TDP1: variants seen among roughly 807,000 people sequenced by gnomAD.
The protein encoded by TDP1 is tyrosyl-DNA phosphodiesterase 1.
TDP1 carries 64 observed loss-of-function variants against 81.5 expected under a neutral mutation model. The ratio of observed to expected loss-of-function variants is 0.79; its 90% CI spans 0.64 to 0.97. The LOEUF (loss-of-function observed/expected upper bound fraction) is 0.97. Among genes scored for constraint, TDP1 ranks in the 50% least tolerant of loss-of-function variants. The pLI is 0.00. For missense variants in TDP1, 723 were observed against 743.8 expected, an observed-to-expected ratio of 0.97 and a Z score of 0.33; for synonymous variants, 256 against 264.3, an observed-to-expected ratio of 0.97 and a Z score of 0.30.
intron 14 of TDP1, among the ~76,000 whole-genome samples, chr14:90,013,542 A>G (rs1884969019): frequency 6.6e-6 from 1 of 152,202 alleles, no homozygotes; most frequent in Non-Finnish European, 1.5e-5. Context: ...CTCCCCCGCC[A>G]TGTGCAACTG....
At chr14:90,026,926 G>A (rs1886730152) in intron 15 of TDP1, among the ~76,000 whole-genome samples, 1 of 152,174 alleles carries the variant, frequency 6.6e-6, no homozygotes, top group Admixed American at 6.5e-5. Context: ...ACATACGTGT[G>A]CATGTGTCTT....
At chr14:90,026,909 G>T (rs1362966098) in intron 15 of TDP1, among the ~76,000 whole-genome samples, 1 of 149,262 alleles carries the variant, frequency 6.7e-6, no homozygotes, top group Non-Finnish European at 1.5e-5. Flanking sequence ...GAATAGTGCT[G>T]CAATAAACAT....
At chr14:89,995,494 A>C (rs35970321) in intron 14 of TDP1, among the ~76,000 whole-genome samples, 13,912 of 151,784 alleles carry the variant, frequency 0.092, 1,381 homozygotes, top group African/African-American at 0.25. Flanking sequence ...GCTGTATAAA[A>C]GAGGAAAAGG....
At chr14:90,040,401 G>A (rs978557576) in intron 16 of TDP1, among the ~76,000 whole-genome samples, 1 of 152,182 alleles carries the variant, frequency 6.6e-6, no homozygotes, top group South Asian at 2.1e-4. Context: ...CTGAAACAAG[G>A]TCTCTGTGCA....
intron 4 of TDP1, chr14:89,967,071 G>A: frequency 1.0e-6 from 1 of 985,262 alleles, no homozygotes; most frequent in Non-Finnish European, 1.2e-6. Context: ...AGGGCCATTA[G>A]ACATAATGTA....
Position 89,993,447 on chromosome 14 carries a change from C to T in TDP1, c.1505C>T (p.Pro502Leu). 6.2e-7 allele frequency: 1 copy of T among 1,613,864 alleles called. No homozygotes were observed. The highest frequency in any genetic ancestry group is 8.5e-7 in the Non-Finnish European group (1 of 1,179,850). ...PHIKTYMRPSPDFSKIAWFLV... is the reference protein window; with the variant it reads ...PHIKTYMRPSLDFSKIAWFLV... ...ATTAAGACATATATGAGGCCTTCTCCAGACTTCAGTAAAATTGCTTGGTTC... is the reference window on the plus strand; with the variant it reads ...ATTAAGACATATATGAGGCCTTCTCTAGACTTCAGTAAAATTGCTTGGTTC... Residue 502 changes from proline to leucine, a missense_variant, in exon 14 of 17, where the codon CCA (proline) becomes CTA (leucine). Physicochemically the swap from Pro to Leu is moderately conservative, Grantham distance 98. Coordinates refer to ENST00000335725, the MANE Select transcript of TDP1 (RefSeq NM_018319.4).
chr14:89,971,295 G>A, intron 6 of TDP1, 24 bp downstream of exon 6: 1 of 1,569,384 alleles, frequency 6.4e-7, no homozygotes, highest in Non-Finnish European at 8.8e-7. Flanking sequence ...TGCCGTTGGA[G>A]AGCACGCGTA....
chr14:89,998,921 T>C (rs1300829256), intron 14 of TDP1, among the ~76,000 whole-genome samples: 1 of 152,122 alleles, frequency 6.6e-6, no homozygotes, highest in Non-Finnish European at 1.5e-5. Context: ...TGAGGCCTTA[T>C]TAGTCGTTGG....
chr14:89,971,476 T>G (rs1467422363), intron 6 of TDP1, among the ~76,000 whole-genome samples: 1 of 152,242 alleles, frequency 6.6e-6, no homozygotes, highest in Admixed American at 6.5e-5. Context: ...TTTTTCTTTT[T>G]GTGGGCCTGA....
chr14:89,971,289 G>C lies in TDP1; in HGVS notation c.756+18G>C. The C allele has an allele frequency of 1.9e-6, 3 of 1,592,104 alleles. No homozygotes were observed. The highest frequency in any genetic ancestry group is 2.6e-6 in the Non-Finnish European group (3 of 1,159,948). ...TCTGCCAGGTAAGCCACTTACTGCCGTTGGAGAGCACGCGTAGTCTGAGTT... is the reference window on the plus strand; with the variant it reads ...TCTGCCAGGTAAGCCACTTACTGCCCTTGGAGAGCACGCGTAGTCTGAGTT... On this transcript the variant is annotated intron_variant, in intron 6 of 16. Transcript: ENST00000335725.
In TDP1 at chr14:89,971,212, G is replaced by A; in HGVS notation, c.697G>A (p.Glu233Lys). ...CCTGCTTGTGCATGGTGATAAGCGAGAGGCTAAGGCTCACCTCCATGCCCA... is the reference window on the plus strand; with the variant it reads ...CCTGCTTGTGCATGGTGATAAGCGAAAGGCTAAGGCTCACCTCCATGCCCA... ...PILLVHGDKR[E>K]AKAHLHAQAK... The change falls in exon 6 of 17, where the codon GAG becomes AAG. Residue 233 changes from glutamate to lysine, a missense_variant. Physicochemically the swap from Glu to Lys is moderately conservative, Grantham distance 56. Transcript: ENST00000335725. The A allele has an allele frequency of 1.9e-6, 3 of 1,614,120 alleles. No individual in the cohort carries two copies. Among genetic ancestry groups the A allele is most frequent in the Non-Finnish European group, 2.5e-6 (3 of 1,179,996 alleles).
intron 10 of TDP1, among the ~76,000 whole-genome samples, chr14:89,987,944 C>G (rs1325729036): frequency 6.6e-6 from 1 of 152,162 alleles, no homozygotes; most frequent in Non-Finnish European, 1.5e-5. Context: ...CACAAGACTG[C>G]CCCTCTCCCT....
At chr14:89,964,585 A>G (rs956572565) in intron 3 of TDP1, among the ~76,000 whole-genome samples, 1 of 152,172 alleles carries the variant, frequency 6.6e-6, no homozygotes, top group Non-Finnish European at 1.5e-5. Flanking sequence ...CTTTTTTTAT[A>G]TATCCAGTAT....
intron 14 of TDP1, among the ~76,000 whole-genome samples, chr14:89,996,509 G>C (rs1018813438): frequency 6.6e-6 from 1 of 152,148 alleles, no homozygotes; most frequent in Non-Finnish European, 1.5e-5. Context: ...AGCCTCTGCT[G>C]GTCCCTCCCT....
At chr14:90,018,877 C>A in intron 14 of TDP1, 2 of 672,614 alleles carry the variant, frequency 3.0e-6, no homozygotes, top group Non-Finnish European at 3.7e-6. Flanking sequence ...TAGAAATTAG[C>A]ACTACCTGGC....
At chr14:90,009,103 C>A (rs1186727598) in intron 14 of TDP1, among the ~76,000 whole-genome samples, 4 of 152,168 alleles carry the variant, frequency 2.6e-5, no homozygotes, top group Non-Finnish European at 5.9e-5. Flanking sequence ...TGTTGTCTTG[C>A]TCATGATGGA....
intron 14 of TDP1, among the ~76,000 whole-genome samples, chr14:90,012,013 A>T (rs1596637752): frequency 1.3e-5 from 2 of 152,340 alleles, no homozygotes; most frequent in Non-Finnish European, 2.9e-5. Flanking sequence ...CCTAGGAGGA[A>T]ATGGCTTTGT....
intron 16 of TDP1, chr14:90,033,562 C>T: frequency 3.2e-6 from 1 of 316,760 alleles, no homozygotes; most frequent in Non-Finnish European, 6.2e-6. Flanking sequence ...ATGATCAGAC[C>T]TCTTAAATTA....
chr14:89,986,605 T>C (rs903393923), intron 10 of TDP1, among the ~76,000 whole-genome samples: 2 of 152,252 alleles, frequency 1.3e-5, no homozygotes, highest in Non-Finnish European at 2.9e-5. Flanking sequence ...CACAGCTTTC[T>C]TCCAGGAAGG....
Sources: allele counts gnomAD v4.1 joint callset (sites outside exome capture counted in the v4.1 genomes callset), GRCh38; gene constraint gnomAD v4.1.1; transcripts MANE v1.5; gene names NCBI Gene and HGNC (gene_info 2026-07-23, HGNC 2026-07-21).